RAI14: variants seen among roughly 807,000 people sequenced by gnomAD.
RAI14 encodes the protein ankycorbin.
RAI14 carries 45 observed loss-of-function variants against 115.4 expected under a neutral mutation model. The ratio of observed to expected loss-of-function variants is 0.39; its 90% CI spans 0.31 to 0.50. The LOEUF (loss-of-function observed/expected upper bound fraction) is 0.50, where lower values mean the gene tolerates loss of function less well. Among genes scored for constraint, RAI14 ranks in the 20% least tolerant of loss-of-function variants. The pLI is 0.85. For synonymous variants in RAI14, 371 were observed against 415.4 expected (o/e 0.89, Z 1.30); for missense variants, 939 against 1,131.2 (o/e 0.83, Z 2.44).
chr5:34,776,201 T>C (rs1750813504), intron 3 of RAI14, among the ~76,000 whole-genome samples: 1 of 152,200 alleles, frequency 6.6e-6, no homozygotes, highest in South Asian at 2.1e-4. Context: ...CTCACTTATT[T>C]GTGGGAGCTA....
intron 2 of RAI14, among the ~76,000 whole-genome samples, chr5:34,693,085 A>G (rs1738829848): frequency 6.6e-6 from 1 of 152,084 alleles, no homozygotes; most frequent in Non-Finnish European, 1.5e-5. Context: ...TCCTTTACAT[A>G]AAGACGCCAC....
At chr5:34,702,338 G>A (rs1044003434) in intron 2 of RAI14, among the ~76,000 whole-genome samples, 7 of 152,206 alleles carry the variant, frequency 4.6e-5, no homozygotes, top group Middle Eastern at 6.8e-3. Flanking sequence ...GAAAAATTAG[G>A]CTGGTGTGGT....
intron 2 of RAI14, chr5:34,757,250 G>C (rs1561319036): frequency 1.7e-6 from 1 of 604,526 alleles, no homozygotes; most frequent in East Asian, 3.6e-5. Flanking sequence ...TTGGTGACTA[G>C]CCGTGATTTC....
intron 3 of RAI14, among the ~76,000 whole-genome samples, chr5:34,780,903 A>G (rs187750963): frequency 1.6e-3 from 242 of 152,320 alleles, no homozygotes; most frequent in African/African-American, 5.5e-3. Context: ...TTATGCTGCT[A>G]TAAAGTCACA....
intron 3 of RAI14, among the ~76,000 whole-genome samples, chr5:34,761,885 C>T (rs548611920): frequency 3.1e-4 from 47 of 152,318 alleles, no homozygotes; most frequent in African/African-American, 1.0e-3. Context: ...GCCTCAGCCT[C>T]CTGAGTAGCT....
At chr5:34,738,213 C>T (rs781038605) in intron 2 of RAI14, among the ~76,000 whole-genome samples, 6 of 151,800 alleles carry the variant, frequency 4.0e-5, no homozygotes, top group Non-Finnish European at 8.8e-5. Context: ...TGCTTGAGCT[C>T]AGGAGTTTGA....
intron 2 of RAI14, among the ~76,000 whole-genome samples, chr5:34,702,859 A>C (rs571900525): frequency 4.5e-4 from 68 of 152,220 alleles, no homozygotes; most frequent in African/African-American, 1.5e-3. Flanking sequence ...GGCATGCGCC[A>C]CCATGCCTGG....
chr5:34,666,311 C>CTGGGCTCACAGATGTCCCGGCCCCCCGA, intron 1 of RAI14, among the ~76,000 whole-genome samples: 6 of 152,088 alleles, frequency 3.9e-5, no homozygotes, highest in African/African-American at 1.5e-4. Context: ...GACAGTACTC[C>CTGGGCTCACAGATGTCCCGGCCCCCCGA]TAGTCTCACA....
At position 34,767,646 on chromosome 5, in the gene RAI14, C is replaced by T. The variant is rs952751933; in HGVS notation, c.167+10048C>T. Among the ~76,000 whole-genome samples the T allele has an allele frequency of 4.5e-5, 6 of 133,188 alleles. No individual in the cohort carries two copies. The South Asian group carries it at 1.3e-3, about 28-fold the overall frequency. 87.4% of individuals were successfully genotyped at this position (133,188 alleles called of 152,430 possible). ...CCCCACCCCATTCCACCAAGTCTGG[C>T]GTATCATTCAAGGCCCAATTTACCA... On this transcript the variant is annotated intron_variant, in intron 3 of 17. Coordinates refer to ENST00000265109, the MANE Select transcript of RAI14 (RefSeq NM_015577.3).
intron 12 of RAI14, among the ~76,000 whole-genome samples, chr5:34,817,197 A>T (rs1756338807): frequency 6.7e-6 from 1 of 149,502 alleles, no homozygotes; most frequent in African/African-American, 2.5e-5. Flanking sequence ...GAATCGCTTG[A>T]ACCTGGGAGG....
chr5:34,658,676 T>C (rs774312635), intron 1 of RAI14, among the ~76,000 whole-genome samples: 1 of 152,100 alleles, frequency 6.6e-6, no homozygotes. Flanking sequence ...CACGCACTTG[T>C]AATCCCAGCT....
intron 2 of RAI14, among the ~76,000 whole-genome samples, chr5:34,719,348 T>C (rs11745428): frequency 0.56 from 85,466 of 152,004 alleles, 24,646 homozygotes; most frequent in African/African-American, 0.68. Flanking sequence ...CCTGTCATGG[T>C]CTAGCCTTGG....
At chr5:34,815,152 G>A (rs1756059155) in intron 12 of RAI14, among the ~76,000 whole-genome samples, 1 of 152,144 alleles carries the variant, frequency 6.6e-6, no homozygotes, top group Non-Finnish European at 1.5e-5. Flanking sequence ...GGAGGCTGAG[G>A]CAGGTGGATC....
intron 15 of RAI14, among the ~76,000 whole-genome samples, chr5:34,824,816 C>T (rs1242741929): frequency 2.0e-5 from 3 of 151,878 alleles, no homozygotes; most frequent in African/African-American, 4.8e-5. Context: ...TGGTGGCACA[C>T]GCCTGTAATC....
chr5:34,738,685 A>G (rs1745153278), intron 2 of RAI14, among the ~76,000 whole-genome samples: 1 of 152,196 alleles, frequency 6.6e-6, no homozygotes, highest in African/African-American at 2.4e-5. Context: ...CTGGCAGACA[A>G]GAAGGCAGCT....
chr5:34,782,582 C>T (rs919581402), intron 3 of RAI14, among the ~76,000 whole-genome samples: 4 of 151,686 alleles, frequency 2.6e-5, no homozygotes, highest in Non-Finnish European at 5.9e-5. Flanking sequence ...GTAGAGTGTC[C>T]TTCTAGATGC....
At chr5:34,686,788 C>T (rs1451822741) in intron 1 of RAI14, 84 bp from the exon 2 acceptor site, 1 of 814,526 alleles carries the variant, frequency 1.2e-6, no homozygotes, top group African/African-American at 1.7e-5. Flanking sequence ...TGCTCTGTCT[C>T]CTTCCCATGA....
intron 2 of RAI14, among the ~76,000 whole-genome samples, chr5:34,732,065 C>T (rs1056724473): frequency 6.6e-6 from 1 of 152,198 alleles, no homozygotes; most frequent in Non-Finnish European, 1.5e-5. Context: ...ATGGGAGTGG[C>T]CCCTGGAGTT....
At chr5:34,721,322 T>TAG (rs1228684303) in intron 2 of RAI14, among the ~76,000 whole-genome samples, 22 of 143,950 alleles carry the variant, frequency 1.5e-4, no homozygotes, top group South Asian at 1.1e-3. Flanking sequence ...TATATATATA[T>TAG]ATAGATGTGT....
Sources: gnomAD v4.1 joint callset for allele counts (sites outside exome capture counted in the v4.1 genomes callset) on GRCh38, gnomAD v4.1.1 for gene constraint, MANE v1.5 for transcripts, NCBI Gene and HGNC (gene_info 2026-07-23, HGNC 2026-07-21) for gene names.